Variants in PPA2 observed in about 807,000 individuals in gnomAD.
PPA2 encodes inorganic pyrophosphatase 2, also known as inorganic pyrophosphatase 2, mitochondrial.
A neutral mutation model predicts 49.5 loss-of-function variants in PPA2; 48 were observed. That is an observed-to-expected ratio of 0.97 (90% CI 0.77 to 1.23). The LOEUF (loss-of-function observed/expected upper bound fraction) is 1.23. PPA2 is among the 50% of genes most tolerant of loss of function. The probability of loss-of-function intolerance (pLI) is 0.00; values close to 1 mark genes in which losing one functional copy is unlikely to be tolerated. For missense variants in PPA2, 429 were observed against 410.1 expected, an observed-to-expected ratio of 1.05 and a Z score of -0.40; for synonymous variants, 131 against 139.9, an observed-to-expected ratio of 0.94 and a Z score of 0.45.
intron 6 of PPA2, among the ~76,000 whole-genome samples, chr4:105,427,383 G>A (rs913054912): frequency 2.0e-5 from 3 of 152,024 alleles, no homozygotes; most frequent in Non-Finnish European, 2.9e-5. Flanking sequence ...TCAGAAGGTC[G>A]ATAATAACAA....
At chr4:105,452,497 CG>C (rs1722714796) in intron 3 of PPA2, among the ~76,000 whole-genome samples, 1 of 152,070 alleles carries the variant, frequency 6.6e-6, no homozygotes, top group African/African-American at 2.4e-5. Flanking sequence ...AGATGGGGCA[CG>C]GAATCTGAAT....
intron 5 of PPA2, among the ~76,000 whole-genome samples, chr4:105,439,911 A>G (rs200778603): frequency 1.7e-5 from 1 of 60,576 alleles, no homozygotes; most frequent in African/African-American, 3.7e-5. Flanking sequence ...TTCAATTCCT[A>G]CCTATGAGTG....
chr4:105,437,830 T>C, intron 6 of PPA2, 120 bp downstream of exon 6: 3 of 693,352 alleles, frequency 4.3e-6, no homozygotes, highest in East Asian at 5.9e-5. Flanking sequence ...GAGGGACTGA[T>C]AACAGAGAAA....
At chr4:105,389,874 T>A (rs1302613195) in intron 9 of PPA2, among the ~76,000 whole-genome samples, 2 of 152,078 alleles carry the variant, frequency 1.3e-5, no homozygotes, top group Non-Finnish European at 2.9e-5. Flanking sequence ...CCTCCAGAGT[T>A]TATAGAAGGA....
chr4:105,380,074 T>C (rs1733424921), intron 10 of PPA2, among the ~76,000 whole-genome samples: 2 of 152,224 alleles, frequency 1.3e-5, no homozygotes, highest in African/African-American at 4.8e-5. Flanking sequence ...CTTTTGCTTC[T>C]TTTTATTGCC....
intron 7 of PPA2, among the ~76,000 whole-genome samples, chr4:105,423,685 T>C (rs1406762467): frequency 6.6e-6 from 1 of 152,182 alleles, no homozygotes; most frequent in Non-Finnish European, 1.5e-5. Flanking sequence ...TTAAAATTTC[T>C]AGGACATCAA....
chr4:105,371,298 T>C (rs1402921053), intron 10 of PPA2, among the ~76,000 whole-genome samples: 2 of 152,246 alleles, frequency 1.3e-5, no homozygotes, highest in African/African-American at 4.8e-5. Context: ...CTTTAAATTA[T>C]TGTTTCTATT....
intron 6 of PPA2, among the ~76,000 whole-genome samples, chr4:105,425,718 G>GCACATACA (rs1355980175): frequency 9.5e-6 from 1 of 105,224 alleles, no homozygotes; most frequent in Non-Finnish European, 2.0e-5. Flanking sequence ...AAGGACACAT[G>GCACATACA]CACATACACA....
At chr4:105,371,000 G>T in intron 10 of PPA2, 127 bp from the exon 11 acceptor site, 4 of 843,356 alleles carry the variant, frequency 4.7e-6, no homozygotes, top group South Asian at 7.4e-5. Context: ...ACCTGAAAAA[G>T]GTAAATATTC....
chr4:105,378,003 G>A (rs1399542015), intron 10 of PPA2, among the ~76,000 whole-genome samples: 1 of 152,076 alleles, frequency 6.6e-6, no homozygotes, highest in Non-Finnish European at 1.5e-5. Context: ...AAGCATTTGT[G>A]TACAAGTCTT....
intron 2 of PPA2, chr4:105,456,187 T>C: frequency 2.2e-6 from 1 of 462,080 alleles, no homozygotes; most frequent in South Asian, 1.6e-5. Flanking sequence ...TTTCATAGAG[T>C]GGTTAAAGAG....
At chr4:105,400,114 G>A (rs1370195595) in intron 7 of PPA2, among the ~76,000 whole-genome samples, 1 of 152,020 alleles carries the variant, frequency 6.6e-6, no homozygotes, top group Non-Finnish European at 1.5e-5. Flanking sequence ...GAGAGTAGTG[G>A]TGCTGGTAAT....
intron 5 of PPA2, among the ~76,000 whole-genome samples, chr4:105,440,750 T>G (rs570030691): frequency 1.3e-5 from 2 of 152,308 alleles, no homozygotes; most frequent in East Asian, 3.9e-4. Context: ...TGACATTAAC[T>G]TAGTTGTGGT....
rs1723735487 is a variant in PPA2 at position 105,430,276 on chromosome 4, A to C, written c.529-5954T>G. Among the ~76,000 whole-genome samples, 6 of 152,380 alleles carry C rather than the reference A, an allele frequency of 3.9e-5. No homozygotes were observed. In the South Asian group the frequency reaches 1.2e-3, roughly 32 times the overall value. ...ATTTGGAAGTTGATTCTAAAATCTT[A>C]ACATAAATCTGCATGGAATTGTAAT... is the stretch of plus-strand genomic sequence containing the variant. On this transcript the variant is annotated intron_variant, in intron 6 of 11. Transcript: ENST00000341695.
intron 7 of PPA2, among the ~76,000 whole-genome samples, chr4:105,408,780 A>G (rs1411611854): frequency 6.6e-6 from 1 of 152,244 alleles, no homozygotes; most frequent in Admixed American, 6.5e-5. Flanking sequence ...GACTGTGCTA[A>G]AAGATATACA....
At chr4:105,372,637 C>G (rs1242501719) in intron 10 of PPA2, among the ~76,000 whole-genome samples, 2 of 152,164 alleles carry the variant, frequency 1.3e-5, no homozygotes, top group Non-Finnish European at 2.9e-5. Flanking sequence ...CAGGAGACAG[C>G]CATCAGATTT....
rs549183511 is a variant in PPA2, at chr4:105,435,967, C to G, written c.528+1983G>C. Among the ~76,000 whole-genome samples, 8 of 152,124 alleles carry G rather than the reference C, an allele frequency of 5.3e-5. No individual in the cohort carries two copies. The South Asian group carries it at 1.7e-3, about 32-fold the overall frequency. The stretch of plus-strand genomic sequence containing the variant: ...GGAAGTCCTAGCCAGACCAATCACC[C>G]AAGAGAAGGAAATAAAAGGTATCTA... On this transcript the variant is annotated intron_variant, in intron 6 of 11. Transcript: ENST00000341695.
At chr4:105,471,455 T>G (rs1239084151) in intron 1 of PPA2, among the ~76,000 whole-genome samples, 2 of 152,240 alleles carry the variant, frequency 1.3e-5, no homozygotes, top group Non-Finnish European at 2.9e-5. Context: ...GAAAATGTTC[T>G]ACCTCCCAAT....
In PPA2 at chr4:105,468,133, C is replaced by G. The variant is rs73836261; in HGVS notation, c.157+5761G>C. 4.9e-3 allele frequency among the ~76,000 whole-genome samples: 747 copies of G among 152,276 alleles called. 6 individuals carry two copies. Among genetic ancestry groups the G allele is most frequent in the African/African-American group, 0.016 (651 of 41,554 alleles). On this transcript the variant is annotated intron_variant, in intron 1 of 11. Coordinates refer to ENST00000341695, the MANE Select transcript of PPA2 (RefSeq NM_176869.3). The stretch of plus-strand genomic sequence containing the variant: ...GAACATAACCACAGTCATACTTTTA[C>G]TGTCCATGGCTGTATGTTACAATGG...
Sources: gnomAD v4.1 joint callset for allele counts (sites outside exome capture counted in the v4.1 genomes callset) on GRCh38, gnomAD v4.1.1 for gene constraint, MANE v1.5 for transcripts, NCBI Gene and HGNC (gene_info 2026-07-23, HGNC 2026-07-21) for gene names.